Variants in DTWD1 observed in about 807,000 individuals in gnomAD.
DTWD1 encodes DTW motif tRNA-uridine aminocarboxypropyltransferase 1, also known as tRNA-uridine aminocarboxypropyltransferase 1.
A neutral mutation model predicts 30.2 loss-of-function variants in DTWD1; 27 were observed. That is an observed-to-expected ratio of 0.90 (90% CI 0.66 to 1.23). The LOEUF (loss-of-function observed/expected upper bound fraction) is 1.23, where lower values mean the gene tolerates loss of function less well. Among genes scored for constraint, DTWD1 ranks in the 50% most tolerant of loss-of-function variants. DTWD1 has a pLI of 0.00. For synonymous variants in DTWD1, 99 were observed against 113.1 expected (o/e 0.88, Z 0.79); for missense variants, 342 against 348.8 (o/e 0.98, Z 0.15).
chr15:49,633,056 T>TATATATATATAG (rs1232357248), intron 3 of DTWD1, among the ~76,000 whole-genome samples: 17 of 146,222 alleles, frequency 1.2e-4, no homozygotes, highest in East Asian at 5.9e-4. Context: ...TATCTATATA[T>TATATATATATAG]ATATATATAT....
intron 2 of DTWD1, among the ~76,000 whole-genome samples, chr15:49,625,908 C>T (rs1383629392): frequency 4.6e-5 from 7 of 152,112 alleles, no homozygotes; most frequent in Admixed American, 2.0e-4. Flanking sequence ...AGGCTGGAAA[C>T]GAGAGTACAA....
rs760444090 is a variant in DTWD1, at chr15:49,634,740, A to G, written c.613A>G (p.Ile205Val). ...CACAACACTGAAAAAAATTATATTT[A>G]TAGATAGCACCTGGAACCAAACAAA... is the stretch of plus-strand genomic sequence containing the variant. ...KGTTLKKIIF[I>V]DSTWNQTNKI... is the part of the protein sequence containing the mutation. Residue 205 changes from isoleucine (I) to valine (V), a missense_variant, in exon 4 of 5, where the codon ATA becomes GTA. Ile to Val is a conservative substitution (Grantham distance 29). Coordinates refer to ENST00000403028, the MANE Select transcript of DTWD1 (RefSeq NM_001144955.2). 3.7e-6 allele frequency: 6 copies of G among 1,607,910 alleles called. No homozygotes were observed. Among genetic ancestry groups the G allele is most frequent in the Non-Finnish European group, 3.4e-6 (4 of 1,177,330 alleles).
At chr15:49,638,843 A>T (rs1164334824) in intron 4 of DTWD1, among the ~76,000 whole-genome samples, 1 of 152,188 alleles carries the variant, frequency 6.6e-6, no homozygotes, top group African/African-American at 2.4e-5. Context: ...GCCTAATTTA[A>T]TTATAAAAGG....
At position 49,655,999 on chromosome 15, in the gene DTWD1, A is replaced by C. The variant is rs2079174667; in HGVS notation, c.*12421A>C. 1 of 152,120 alleles carries C rather than the reference A, an allele frequency of 6.6e-6. No individual in the cohort carries two copies. The highest frequency in any genetic ancestry group is 2.4e-5 in the African/African-American group (1 of 41,458). The allele number at this position is 152,120 out of a possible 1,614,324, so 9.4% of individuals were successfully genotyped here. A position where few individuals can be genotyped will look rare whatever the true frequency, so the allele number is the denominator to read the frequency against. ...TATCTATTTTGTGGTTAAATGTGTT[A>C]TAAACATTTATTTAGTGAAATACAG... On this transcript the variant is annotated 3_prime_UTR_variant, in exon 5 of 5. Coordinates refer to ENST00000403028, the MANE Select transcript of DTWD1 (RefSeq NM_001144955.2).
intron 4 of DTWD1, among the ~76,000 whole-genome samples, chr15:49,640,697 C>CGTTG (rs2079055451): frequency 1.4e-3 from 2 of 1,476 alleles, no homozygotes; most frequent in South Asian, 0.062. Context: ...TTGATAATTA[C>CGTTG]ATTGTTTATT....
chr15:49,625,100 T>C lies in DTWD1; in HGVS notation c.-55-13T>C. The stretch of plus-strand genomic sequence containing the variant: ...TTTTTATTTTTCCTTCTCTTGATAC[T>C]TTTTTTTTACAGTGCACCTATGATA... On this transcript the variant is annotated splice_polypyrimidine_tract_variant and intron_variant, in intron 1 of 4. Coordinates refer to ENST00000403028, the MANE Select transcript of DTWD1 (RefSeq NM_001144955.2). 8.0e-7 allele frequency: 1 copy of C among 1,251,514 alleles called. No individual in the cohort carries two copies. Among genetic ancestry groups the C allele is most frequent in the Non-Finnish European group, 1.1e-6 (1 of 909,670 alleles). The allele number at this position is 1,251,514 out of a possible 1,614,324, so 77.5% of individuals were successfully genotyped here.
intron 2 of DTWD1, chr15:49,630,881 G>A (rs1259549080): frequency 1.2e-5 from 3 of 247,354 alleles, no homozygotes; most frequent in East Asian, 2.8e-4. Context: ...ATCAGCGGCA[G>A]CATTAGATTC....
Position 49,650,711 on chromosome 15 carries a change from C to G in DTWD1, c.*7133C>G, listed in dbSNP as rs1190257049. ...GCAGCCCTCAGTGGAGATGTAAGGC[C>G]TTGCTACTTCAGCCTCATTTATTAC... On this transcript the variant is annotated 3_prime_UTR_variant, in exon 5 of 5. Transcript: ENST00000403028. 1 of 152,182 alleles carries G rather than the reference C, an allele frequency of 6.6e-6. No homozygotes were observed. The highest frequency in any genetic ancestry group is 1.5e-5 in the Non-Finnish European group (1 of 68,038). The allele number at this position is 152,182 out of a possible 1,614,324, so 9.4% of individuals were successfully genotyped here. A position where few individuals can be genotyped will look rare whatever the true frequency, so the allele number is the denominator to read the frequency against.
chr15:49,628,724 C>T (rs989261574), intron 2 of DTWD1, among the ~76,000 whole-genome samples: 18 of 151,866 alleles, frequency 1.2e-4, no homozygotes, highest in Admixed American at 4.6e-4. Flanking sequence ...AACAGAATGT[C>T]TCTACTCAGA....
Position 49,645,180 on chromosome 15 carries a change from A to G in DTWD1, c.*1602A>G, listed in dbSNP as rs1165674648. 1 of 152,198 alleles carries G rather than the reference A, an allele frequency of 6.6e-6. No individual in the cohort carries two copies. 9.4% of individuals were successfully genotyped at this position (152,198 alleles called of 1,614,324 possible). On this transcript the variant is annotated 3_prime_UTR_variant, in exon 5 of 5. Transcript: ENST00000403028. ...AAACTTACTTGAATATGTAGCACCT[A>G]TTAACATGCCATGGAAATAGGACGT...
chr15:49,646,380 C>A lies in DTWD1; in HGVS notation c.*2802C>A, dbSNP rs2079118780. 1 of 152,142 alleles carries A rather than the reference C, an allele frequency of 6.6e-6. No individual in the cohort carries two copies. The highest frequency in any genetic ancestry group is 1.5e-5 in the Non-Finnish European group (1 of 68,042). 9.4% of individuals were successfully genotyped at this position (152,142 alleles called of 1,614,324 possible). On this transcript the variant is annotated 3_prime_UTR_variant, in exon 5 of 5. Coordinates refer to ENST00000403028, the MANE Select transcript of DTWD1 (RefSeq NM_001144955.2). Reference sequence around the variant, plus strand: ...GATTCTCAGTCTCATGTTTCTTGGGCTCTTGACCACTTGCTTTGCCTTAGC... The same window carrying A: ...GATTCTCAGTCTCATGTTTCTTGGGATCTTGACCACTTGCTTTGCCTTAGC...
chr15:49,647,560 T>G lies in DTWD1; in HGVS notation c.*3982T>G, dbSNP rs144808310. 5 of 152,280 alleles carry G rather than the reference T, an allele frequency of 3.3e-5. No individual in the cohort carries two copies. The East Asian group carries it at 9.6e-4, about 29-fold the overall frequency. The allele number at this position is 152,280 out of a possible 1,614,324, so 9.4% of individuals were successfully genotyped here. On this transcript the variant is annotated 3_prime_UTR_variant, in exon 5 of 5. Coordinates refer to ENST00000403028, the MANE Select transcript of DTWD1 (RefSeq NM_001144955.2). ...GAATGCATTAGGTATATTTTTTGTCTTCCATGTTACTGGAAGCATTAATTA... is the reference window on the plus strand; with the variant it reads ...GAATGCATTAGGTATATTTTTTGTCGTCCATGTTACTGGAAGCATTAATTA...
At position 49,643,952 on chromosome 15, in the gene DTWD1, G is replaced by A. The variant is rs2079096503; in HGVS notation, c.*374G>A. ...CTCATGACCACCTTTAGAAGTAAAT[G>A]GGGTTACAATCTGCTGGCTGAAAAA... On this transcript the variant is annotated 3_prime_UTR_variant, in exon 5 of 5. Transcript: ENST00000403028. 1 of 154,430 alleles carries A rather than the reference G, an allele frequency of 6.5e-6. No homozygotes were observed. Among genetic ancestry groups the A allele is most frequent in the Non-Finnish European group, 1.4e-5 (1 of 69,716 alleles). The allele number at this position is 154,430 out of a possible 1,614,324, so 9.6% of individuals were successfully genotyped here. A position where few individuals can be genotyped will look rare whatever the true frequency, so the allele number is the denominator to read the frequency against.
chr15:49,625,580 G>C (rs889003414), intron 2 of DTWD1, 149 bp downstream of exon 2: 15 of 867,854 alleles, frequency 1.7e-5, no homozygotes, highest in Non-Finnish European at 2.2e-5. Context: ...CTAGCACTTA[G>C]ACAGAAAATT....
Position 49,645,463 on chromosome 15 carries a change from T to C in DTWD1, c.*1885T>C, listed in dbSNP as rs973628817. ...CAAATAAACTAACTGGCTTGCTTATTTTAGCAGTTATTCTACAAGAATGGA... is the reference window on the plus strand; with the variant it reads ...CAAATAAACTAACTGGCTTGCTTATCTTAGCAGTTATTCTACAAGAATGGA... On this transcript the variant is annotated 3_prime_UTR_variant, in exon 5 of 5. Coordinates refer to ENST00000403028, the MANE Select transcript of DTWD1 (RefSeq NM_001144955.2). The C allele has an allele frequency of 6.6e-6, 1 of 152,170 alleles. No individual in the cohort carries two copies. Among genetic ancestry groups the C allele is most frequent in the African/African-American group, 2.4e-5 (1 of 41,456 alleles). 9.4% of individuals were successfully genotyped at this position (152,170 alleles called of 1,614,324 possible).
intron 2 of DTWD1, among the ~76,000 whole-genome samples, chr15:49,631,238 G>C (rs746133412): frequency 1.3e-5 from 2 of 152,066 alleles, no homozygotes; most frequent in African/African-American, 2.4e-5. Flanking sequence ...GAGTAGTTAG[G>C]CAAGATGATT....
chr15:49,633,048 TCTATA>T lies in DTWD1; in HGVS notation c.408+747_408+751del, dbSNP rs1486180062. On this transcript the variant is annotated intron_variant, in intron 3 of 4. Transcript: ENST00000403028. Reference sequence around the variant, plus strand: ...TTTTACTTTCCTATTTATATCTATATCTATATATATATATATATATATGTATTTTT... The same window carrying T: ...TTTTACTTTCCTATTTATATCTATATTATATATATATATATATGTATTTTT... Among the ~76,000 whole-genome samples, 236 of 134,414 alleles carry T rather than the reference TCTATA, an allele frequency of 1.8e-3. 2 individuals are homozygous for T. The highest frequency in any genetic ancestry group is 7.1e-3 in the African/African-American group (220 of 31,120). 88.2% of individuals were successfully genotyped at this position (134,414 alleles called of 152,430 possible). A position where few individuals can be genotyped will look rare whatever the true frequency, so the allele number is the denominator to read the frequency against.
chr15:49,655,165 C>A lies in DTWD1; in HGVS notation c.*11587C>A, dbSNP rs1678246659. On this transcript the variant is annotated 3_prime_UTR_variant, in exon 5 of 5. Coordinates refer to ENST00000403028, the MANE Select transcript of DTWD1 (RefSeq NM_001144955.2). The stretch of plus-strand genomic sequence containing the variant: ...AGTCCTCAGACAAAGAGAACTTGAA[C>A]CTTCTAACTCAGCTTAGCCATTATC... The A allele has an allele frequency of 1.3e-5, 2 of 152,180 alleles. No homozygotes were observed. Among genetic ancestry groups the A allele is most frequent in the South Asian group, 2.1e-4 (1 of 4,826 alleles). The allele number at this position is 152,180 out of a possible 1,614,324, so 9.4% of individuals were successfully genotyped here.
chr15:49,650,460 A>G lies in DTWD1; in HGVS notation c.*6882A>G, dbSNP rs1389345563. The G allele has an allele frequency of 6.6e-6, 1 of 152,194 alleles. No homozygotes were observed. Among genetic ancestry groups the G allele is most frequent in the Non-Finnish European group, 1.5e-5 (1 of 68,028 alleles). The allele number at this position is 152,194 out of a possible 1,614,324, so 9.4% of individuals were successfully genotyped here. A position where few individuals can be genotyped will look rare whatever the true frequency, so the allele number is the denominator to read the frequency against. On this transcript the variant is annotated 3_prime_UTR_variant, in exon 5 of 5. Transcript: ENST00000403028. ...GGTTGTGATCATGGGCGAGTGGTAC[A>G]GAATGACAAGATCCTGCATGTATTT...
Sources: allele counts gnomAD v4.1 joint callset (sites outside exome capture counted in the v4.1 genomes callset), GRCh38; gene constraint gnomAD v4.1.1; transcripts MANE v1.5; gene names NCBI Gene and HGNC (gene_info 2026-07-23, HGNC 2026-07-21).